CACNB4: variants seen among roughly 807,000 people sequenced by gnomAD.
CACNB4 encodes the protein voltage-dependent L-type calcium channel subunit beta-4.
CACNB4 carries 32 observed loss-of-function variants against 71.2 expected under a neutral mutation model. That is an observed-to-expected ratio of 0.45 (90% CI 0.34 to 0.60). The LOEUF is 0.60. CACNB4 is among the 20% of genes least tolerant of loss of function. The probability of loss-of-function intolerance (pLI) is 0.01; values close to 1 mark genes in which losing one functional copy is unlikely to be tolerated. For synonymous variants in CACNB4, 231 were observed against 236.9 expected (o/e 0.97, Z 0.23); for missense variants, 464 against 647.9 (o/e 0.72, Z 3.08).
chr2:151,937,807 A>G (rs965048946), intron 2 of CACNB4, among the ~76,000 whole-genome samples: 1 of 152,188 alleles, frequency 6.6e-6, no homozygotes, highest in South Asian at 2.1e-4. Flanking sequence ...ATTGGCACAC[A>G]TGATCACTAA....
chr2:151,883,121 C>A, intron 3 of CACNB4, 130 bp downstream of exon 3: 2 of 908,570 alleles, frequency 2.2e-6, no homozygotes, highest in African/African-American at 1.6e-5. Flanking sequence ...GATCAGAGAG[C>A]TTCCCAATCT....
intron 2 of CACNB4, among the ~76,000 whole-genome samples, chr2:152,010,121 A>T (rs1434475186): frequency 6.6e-6 from 1 of 152,234 alleles, no homozygotes; most frequent in African/African-American, 2.4e-5. Flanking sequence ...AGCTCATTCT[A>T]ACAGGGGTGA....
intron 4 of CACNB4, among the ~76,000 whole-genome samples, chr2:151,878,780 C>T (rs2099847129): frequency 6.6e-6 from 1 of 152,046 alleles, no homozygotes; most frequent in East Asian, 1.9e-4. Flanking sequence ...AGTAGTGCAC[C>T]TGTAGTCCTA....
chr2:152,091,093 G>A (rs1560194212), intron 2 of CACNB4, among the ~76,000 whole-genome samples: 2 of 151,652 alleles, frequency 1.3e-5, no homozygotes. Flanking sequence ...CAGGAACAGA[G>A]ACTCAGACAT....
intron 2 of CACNB4, among the ~76,000 whole-genome samples, chr2:151,965,252 T>C (rs919891053): frequency 6.6e-6 from 1 of 152,254 alleles, no homozygotes; most frequent in Non-Finnish European, 1.5e-5. Flanking sequence ...CCTCCAGCCC[T>C]TACTTCATGC....
chr2:151,838,635 C>T lies in CACNB4; in HGVS notation c.*484G>A, dbSNP rs2151311732. 6.6e-6 allele frequency: 1 copy of T among 152,164 alleles called. No homozygotes were observed. The highest frequency in any genetic ancestry group is 2.1e-4 in the South Asian group (1 of 4,802). The allele number at this position is 152,164 out of a possible 1,614,324, so 9.4% of individuals were successfully genotyped here. On this transcript the variant is annotated 3_prime_UTR_variant, in exon 14 of 14. Coordinates refer to ENST00000539935, the MANE Select transcript of CACNB4 (RefSeq NM_000726.5). ...AAATAAATACCAAAGCTGGATTTGG[C>T]TTCTATTGGTATTTCGATTTTCTTA...
chr2:152,058,824 ACAGGCC>A (rs1685856763), intron 2 of CACNB4, among the ~76,000 whole-genome samples: 2 of 152,236 alleles, frequency 1.3e-5, no homozygotes, highest in Non-Finnish European at 2.9e-5. Flanking sequence ...CCCTCCCATC[ACAGGCC>A]CAGAGGCCTA....
At chr2:152,022,444 C>T in intron 2 of CACNB4, among the ~76,000 whole-genome samples, 1 of 152,204 alleles carries the variant, frequency 6.6e-6, no homozygotes, top group Non-Finnish European at 1.5e-5. Context: ...TTTAGTCAAA[C>T]ACAATATAAA....
At chr2:151,998,315 CAAAAAAAA>C (rs70974815) in intron 2 of CACNB4, among the ~76,000 whole-genome samples, 8 of 110,720 alleles carry the variant, frequency 7.2e-5, no homozygotes, top group East Asian at 3.0e-4. Context: ...ACTCCATCTC[CAAAAAAAA>C]AAAAAAAAAA....
rs964755414 is a variant in CACNB4 at position 151,898,946 on chromosome 2, G to A, written c.148-15576C>T. Among the ~76,000 whole-genome samples, 21 of 152,230 alleles carry A rather than the reference G, an allele frequency of 1.4e-4. 1 individual carries two copies. The highest frequency in any genetic ancestry group is 4.8e-4 in the African/African-American group (20 of 41,454). On this transcript the variant is annotated intron_variant, in intron 2 of 13. Transcript: ENST00000539935. ...GTTCAGAGCAAAATACAAGAGGCAG[G>A]CAGGATGTCCATTCAGTGGGAAAAT...
chr2:152,023,131 G>A (rs533599073), intron 2 of CACNB4, among the ~76,000 whole-genome samples: 1 of 151,626 alleles, frequency 6.6e-6, no homozygotes, highest in East Asian at 1.9e-4. Flanking sequence ...AAAGGAAGGG[G>A]GAAGAGAGAG....
intron 2 of CACNB4, among the ~76,000 whole-genome samples, chr2:152,089,718 G>A (rs549154553): frequency 6.6e-6 from 1 of 151,908 alleles, no homozygotes; most frequent in Admixed American, 6.6e-5. Context: ...GACTGCTTGA[G>A]CCCAGCAGTT....
At chr2:152,037,961 G>A (rs963575515) in intron 2 of CACNB4, among the ~76,000 whole-genome samples, 22 of 152,332 alleles carry the variant, frequency 1.4e-4, no homozygotes, top group African/African-American at 4.8e-4. Context: ...ACAGCTGGAT[G>A]CAGAAGGGAA....
intron 2 of CACNB4, among the ~76,000 whole-genome samples, chr2:151,919,591 G>T (rs181210432): frequency 6.6e-6 from 1 of 152,290 alleles, no homozygotes; most frequent in East Asian, 1.9e-4. Context: ...TGCAAGTACA[G>T]GGATGGCTTG....
rs368599028 is a variant in CACNB4, at chr2:152,055,053, C to T, written c.147+43277G>A. Among the ~76,000 whole-genome samples the T allele has an allele frequency of 1.3e-4, 20 of 152,314 alleles. 1 individual carries two copies. In the South Asian group the frequency reaches 2.3e-3, roughly 17 times the overall value. On this transcript the variant is annotated intron_variant, in intron 2 of 13. Coordinates refer to ENST00000539935, the MANE Select transcript of CACNB4 (RefSeq NM_000726.5). ...TTAAGACAGAGCCTTGCTCTGTCAC[C>T]CAAGCTGCAATGCAGTGGCACAATC... is the stretch of plus-strand genomic sequence containing the variant.
chr2:151,931,306 A>T (rs1345346155), intron 2 of CACNB4, among the ~76,000 whole-genome samples: 2 of 152,174 alleles, frequency 1.3e-5, no homozygotes, highest in African/African-American at 4.8e-5. Flanking sequence ...CCTATTACTG[A>T]TATTTCTATA....
chr2:151,993,669 A>C (rs1021636584), intron 2 of CACNB4, among the ~76,000 whole-genome samples: 3 of 150,202 alleles, frequency 2.0e-5, no homozygotes, highest in African/African-American at 7.4e-5. Context: ...GGTTCAAGCG[A>C]TTCTCCTGCC....
intron 2 of CACNB4, among the ~76,000 whole-genome samples, chr2:152,000,570 A>T (rs1165200206): frequency 6.6e-6 from 1 of 152,104 alleles, no homozygotes; most frequent in Admixed American, 6.5e-5. Flanking sequence ...CAAACCCAAG[A>T]CGTCTGTAAC....
At chr2:152,092,641 A>G (rs148282153) in intron 2 of CACNB4, among the ~76,000 whole-genome samples, 14 of 152,174 alleles carry the variant, frequency 9.2e-5, no homozygotes, top group Admixed American at 6.5e-4. Flanking sequence ...ATGCATTTCA[A>G]ATGAATGTCT....
Sources: allele counts gnomAD v4.1 joint callset (sites outside exome capture counted in the v4.1 genomes callset), GRCh38; gene constraint gnomAD v4.1.1; transcripts MANE v1.5; gene names NCBI Gene and HGNC (gene_info 2026-07-23, HGNC 2026-07-21).